Variants in SLC2A13 observed in about 807,000 individuals in gnomAD.
SLC2A13 encodes solute carrier family 2 member 13.
In SLC2A13, 32 loss-of-function variants were observed where a neutral mutation model predicts 64.4. The ratio of observed to expected loss-of-function variants is 0.50; its 90% CI spans 0.37 to 0.67. The LOEUF (loss-of-function observed/expected upper bound fraction) is 0.67. Ranked by LOEUF, SLC2A13 falls within the 30% of genes least tolerant of loss-of-function variation. The probability of loss-of-function intolerance (pLI) is 0.00; values close to 1 mark genes in which losing one functional copy is unlikely to be tolerated. For synonymous variants in SLC2A13, 338 were observed against 327.1 expected, an observed-to-expected ratio of 1.03 and a Z score of -0.36; for missense variants, 743 against 829.2, an observed-to-expected ratio of 0.90 and a Z score of 1.28.
intron 4 of SLC2A13, among the ~76,000 whole-genome samples, chr12:39,896,294 GTGTA>G (rs1944862362): frequency 7.2e-6 from 1 of 139,348 alleles, no homozygotes; most frequent in African/African-American, 2.7e-5. Flanking sequence ...ATGTATATGT[GTGTA>G]TATATGTATA....
chr12:39,765,039 C>A (rs951199912), intron 7 of SLC2A13, among the ~76,000 whole-genome samples, 181 bp from the exon 8 acceptor site: 1 of 151,964 alleles, frequency 6.6e-6, no homozygotes, highest in Admixed American at 6.6e-5. Context: ...AGCAATTTTA[C>A]AGCCAAGTAT....
At chr12:39,918,434 T>C in intron 4 of SLC2A13, among the ~76,000 whole-genome samples, 1 of 151,276 alleles carries the variant, frequency 6.6e-6, no homozygotes, top group East Asian at 1.9e-4. Context: ...TCCAGGGAAA[T>C]TTGTGATTCT....
chr12:39,935,336 G>A (rs1306826929), intron 4 of SLC2A13, among the ~76,000 whole-genome samples: 2 of 152,138 alleles, frequency 1.3e-5, no homozygotes, highest in Admixed American at 6.5e-5. Flanking sequence ...TAAAGGTCAG[G>A]ACTAACTTGG....
chr12:39,971,267 C>T (rs28370620), intron 3 of SLC2A13, among the ~76,000 whole-genome samples: 3,219 of 152,196 alleles, frequency 0.021, 57 homozygotes, highest in Non-Finnish European at 0.032. Context: ...TTGAATCATT[C>T]GTAATTATGC....
At chr12:39,843,029 T>C (rs1943215954) in intron 6 of SLC2A13, among the ~76,000 whole-genome samples, 1 of 152,016 alleles carries the variant, frequency 6.6e-6, no homozygotes, top group Admixed American at 6.6e-5. Flanking sequence ...GGTATTTGGG[T>C]TATTTCTACG....
chr12:40,072,540 A>G (rs1329287012), intron 1 of SLC2A13, among the ~76,000 whole-genome samples: 14 of 152,132 alleles, frequency 9.2e-5, no homozygotes, highest in Admixed American at 5.2e-4. Flanking sequence ...CAGTTCTACC[A>G]GTATTTGCAT....
chr12:39,897,277 G>C (rs901535910), intron 4 of SLC2A13, among the ~76,000 whole-genome samples: 1 of 152,124 alleles, frequency 6.6e-6, no homozygotes, highest in Non-Finnish European at 1.5e-5. Flanking sequence ...TTAAAAGAAC[G>C]TGGTTATGCT....
At chr12:39,912,172 T>C (rs1252072307) in intron 4 of SLC2A13, among the ~76,000 whole-genome samples, 1 of 152,108 alleles carries the variant, frequency 6.6e-6, no homozygotes, top group South Asian at 2.1e-4. Flanking sequence ...TGATCATTTA[T>C]AGGCTAACAG....
chr12:40,006,158 C>T (rs185919495), intron 3 of SLC2A13, among the ~76,000 whole-genome samples: 55 of 152,216 alleles, frequency 3.6e-4, no homozygotes, highest in Admixed American at 1.4e-3. Flanking sequence ...AAATTAATAA[C>T]GCAGGATTAA....
intron 7 of SLC2A13, among the ~76,000 whole-genome samples, chr12:39,822,227 T>G (rs901813834): frequency 1.3e-5 from 2 of 152,080 alleles, no homozygotes; most frequent in African/African-American, 4.8e-5. Flanking sequence ...AGATAACGTT[T>G]CCTGCCCAAG....
At chr12:40,074,839 A>C (rs1046465014) in intron 1 of SLC2A13, among the ~76,000 whole-genome samples, 1 of 152,212 alleles carries the variant, frequency 6.6e-6, no homozygotes, top group South Asian at 2.1e-4. Context: ...TGTTATGATT[A>C]GGTCTCAAGC....
chr12:39,956,869 C>T (rs189310418), intron 3 of SLC2A13, among the ~76,000 whole-genome samples: 23 of 152,224 alleles, frequency 1.5e-4, no homozygotes, highest in African/African-American at 5.5e-4. Flanking sequence ...TTCCCCACTG[C>T]TGATAAAGTA....
intron 3 of SLC2A13, among the ~76,000 whole-genome samples, chr12:39,973,163 C>T (rs1360212103): frequency 6.6e-6 from 1 of 152,218 alleles, no homozygotes; most frequent in Non-Finnish European, 1.5e-5. Flanking sequence ...TTCCTCTCCA[C>T]AAATTCACTG....
chr12:39,923,318 C>G (rs937630002), intron 4 of SLC2A13, among the ~76,000 whole-genome samples: 1 of 152,102 alleles, frequency 6.6e-6, no homozygotes, highest in African/African-American at 2.4e-5. Flanking sequence ...TACTATTCAC[C>G]TATGAAAAGG....
chr12:40,038,902 A>C (rs2136227718), intron 2 of SLC2A13, among the ~76,000 whole-genome samples: 1 of 151,318 alleles, frequency 6.6e-6, no homozygotes, highest in Non-Finnish European at 1.5e-5. Flanking sequence ...CTTTTTTATA[A>C]TCTTTTATCT....
intron 2 of SLC2A13, among the ~76,000 whole-genome samples, chr12:40,044,013 C>T (rs1393984230): frequency 3.3e-5 from 5 of 152,078 alleles, no homozygotes; most frequent in African/African-American, 7.2e-5. Context: ...GAGAAGTAAA[C>T]GCTTATGTCT....
intron 4 of SLC2A13, among the ~76,000 whole-genome samples, chr12:39,914,774 G>C (rs934976533): frequency 1.3e-5 from 2 of 151,888 alleles, no homozygotes; most frequent in African/African-American, 4.8e-5. Flanking sequence ...TGTAGAACTT[G>C]ATTCTCTACC....
intron 4 of SLC2A13, among the ~76,000 whole-genome samples, chr12:39,921,262 T>C (rs926320272): frequency 6.6e-6 from 1 of 152,070 alleles, no homozygotes; most frequent in Non-Finnish European, 1.5e-5. Context: ...TGGTCTTCCT[T>C]CTGTTGCTAG....
chr12:40,099,168 T>A (rs888732059), intron 1 of SLC2A13, among the ~76,000 whole-genome samples: 5 of 152,384 alleles, frequency 3.3e-5, no homozygotes, highest in Admixed American at 3.3e-4. Context: ...CCAGAGAAAT[T>A]AAATTTTACA....
Sources: gnomAD v4.1 joint callset for allele counts (sites outside exome capture counted in the v4.1 genomes callset) on GRCh38, gnomAD v4.1.1 for gene constraint, MANE v1.5 for transcripts, NCBI Gene and HGNC (gene_info 2026-07-23, HGNC 2026-07-21) for gene names.